Variants in CLDN14 observed in about 807,000 individuals in gnomAD.
CLDN14 encodes the protein claudin-14.
Under a neutral mutation model 2.1 loss-of-function variants are expected in CLDN14, and 2 were observed. The ratio of observed to expected loss-of-function variants is 0.96; its 90% CI spans 0.39 to 3.01. CLDN14 has a LOEUF of 3.01. Among genes scored for constraint, CLDN14 ranks in the 30% most tolerant of loss-of-function variants. The pLI is 0.09. For missense variants in CLDN14, 298 were observed against 328.0 expected, an observed-to-expected ratio of 0.91 and a Z score of 0.71; for synonymous variants, 136 against 154.4, an observed-to-expected ratio of 0.88 and a Z score of 0.88.
At chr21:36,542,783 A>G (rs560332085) in intron 1 of CLDN14, 1 of 152,418 alleles carries the variant, frequency 6.6e-6, no homozygotes, top group East Asian at 1.9e-4. Context: ...AGCGCGATGA[A>G]TAATTGAGGC....
intron 1 of CLDN14, among the ~76,000 whole-genome samples, chr21:36,540,892 G>T (rs1387199977): frequency 6.6e-6 from 1 of 152,228 alleles, no homozygotes; most frequent in Admixed American, 6.5e-5. Flanking sequence ...GTAGCAAGCT[G>T]ATTGGAGGTG....
chr21:36,513,702 G>A (rs1428186120), intron 1 of CLDN14, among the ~76,000 whole-genome samples: 1 of 152,170 alleles, frequency 6.6e-6, no homozygotes, highest in Non-Finnish European at 1.5e-5. Flanking sequence ...AAGTCATCCT[G>A]AGCTAGGGTC....
chr21:36,512,461 C>T (rs1374223995), intron 1 of CLDN14, among the ~76,000 whole-genome samples: 2 of 152,144 alleles, frequency 1.3e-5, no homozygotes, highest in Non-Finnish European at 2.9e-5. Flanking sequence ...ATGGCATGCT[C>T]TCAGGATGTT....
At chr21:36,461,846 T>C in intron 1 of CLDN14, 70 bp from the exon 2 acceptor site, 1 of 1,109,132 alleles carries the variant, frequency 9.0e-7, no homozygotes, top group Non-Finnish European at 1.3e-6. Context: ...CATGCACTTA[T>C]TTCTGTCACC....
chr21:36,496,676 A>AGGAAGGAAAGAAGGGT (rs2087021199), intron 2 of CLDN14, among the ~76,000 whole-genome samples: 1 of 123,626 alleles, frequency 8.1e-6, no homozygotes, highest in Non-Finnish European at 1.6e-5. Context: ...AAGCAGAGGA[A>AGGAAGGAAAGAAGGGT]GGAAGGAAAG....
rs192015931 is a variant in CLDN14, at chr21:36,558,144, T to C, written c.-220+18267A>G. Among the ~76,000 whole-genome samples the C allele has an allele frequency of 1.3e-3, 204 of 152,348 alleles. 1 individual carries two copies. Among genetic ancestry groups the C allele is most frequent in the African/African-American group, 4.5e-3 (187 of 41,586 alleles). Reference sequence around the variant, plus strand: ...TTATTCTGTTCCTGTTCCTTTGGCCTATATGTCTGCCTTTATGCCAGCACC... The same window carrying C: ...TTATTCTGTTCCTGTTCCTTTGGCCCATATGTCTGCCTTTATGCCAGCACC... On this transcript the variant is annotated intron_variant, in intron 1 of 2. Transcript: ENST00000342108.
intron 1 of CLDN14, among the ~76,000 whole-genome samples, chr21:36,528,607 C>T (rs140362619): frequency 6.6e-6 from 1 of 152,336 alleles, no homozygotes; most frequent in Non-Finnish European, 1.5e-5. Context: ...AGGGTCTCTT[C>T]CCCCGTCCAC....
upstream of CLDN14, among the ~76,000 whole-genome samples, chr21:36,484,384 T>C (rs219738): frequency 0.32 from 48,717 of 151,930 alleles, 9,258 homozygotes; most frequent in African/African-American, 0.54. Context: ...AGAGCATTGG[T>C]GTTTTGGTGC....
chr21:36,488,219 C>CT (rs1457039600), intron 2 of CLDN14, among the ~76,000 whole-genome samples: 1,276 of 56,372 alleles, frequency 0.023, 31 homozygotes, highest in African/African-American at 0.075. Flanking sequence ...TACTGTGATT[C>CT]CCCTTCCTTC....
upstream of CLDN14, chr21:36,480,844 G>C (rs1360764072): frequency 6.6e-6 from 1 of 151,934 alleles, no homozygotes; most frequent in East Asian, 1.9e-4. Flanking sequence ...TCTGGTTGGT[G>C]TTTAAAAAAA....
chr21:36,472,011 G>A (rs2086716441), intron 1 of CLDN14, among the ~76,000 whole-genome samples: 1 of 152,226 alleles, frequency 6.6e-6, no homozygotes, highest in South Asian at 2.1e-4. Context: ...AAGTTCCAGA[G>A]TGTTTATGAT....
chr21:36,507,647 C>G (rs961486450), intron 2 of CLDN14, among the ~76,000 whole-genome samples: 4 of 152,192 alleles, frequency 2.6e-5, no homozygotes, highest in Non-Finnish European at 5.9e-5. Context: ...ACGTGTAATC[C>G]CAGCTACTTG....
At chr21:36,468,604 G>T (rs979694733) in intron 1 of CLDN14, among the ~76,000 whole-genome samples, 3 of 135,358 alleles carry the variant, frequency 2.2e-5, no homozygotes, top group Non-Finnish European at 4.7e-5. Flanking sequence ...CTTGAATTTA[G>T]GAACTAAAAA....
intron 1 of CLDN14, among the ~76,000 whole-genome samples, chr21:36,536,095 T>G (rs1167403955): frequency 6.6e-6 from 1 of 152,258 alleles, no homozygotes; most frequent in Non-Finnish European, 1.5e-5. Flanking sequence ...CAAGTTCAGC[T>G]GCAGCCCAGC....
chr21:36,496,655 A>G (rs2087020898), intron 2 of CLDN14, among the ~76,000 whole-genome samples: 3 of 135,746 alleles, frequency 2.2e-5, no homozygotes, highest in Admixed American at 7.7e-5. Context: ...CCGCCCAGCC[A>G]ATGGAGAAGA....
At chr21:36,554,963 A>G (rs773406243) in intron 1 of CLDN14, among the ~76,000 whole-genome samples, 1 of 152,194 alleles carries the variant, frequency 6.6e-6, no homozygotes. Flanking sequence ...TTGCTTCCTC[A>G]ATCATTGAGC....
chr21:36,487,715 C>T (rs748309918), intron 2 of CLDN14: 1 of 152,206 alleles, frequency 6.6e-6, no homozygotes, highest in Non-Finnish European at 1.5e-5. Flanking sequence ...TTCTGAAAGT[C>T]AGATGACACA....
chr21:36,468,861 G>C (rs964738158), intron 1 of CLDN14, among the ~76,000 whole-genome samples: 1 of 151,700 alleles, frequency 6.6e-6, no homozygotes, highest in Admixed American at 6.6e-5. Context: ...CCAGGTTCAA[G>C]TGATTCTCCT....
intron 1 of CLDN14, among the ~76,000 whole-genome samples, chr21:36,471,782 G>A (rs184724507): frequency 3.3e-5 from 5 of 152,308 alleles, no homozygotes; most frequent in Non-Finnish European, 5.9e-5. Flanking sequence ...TGTGAATTTC[G>A]TAAGCCTCTG....
Sources: allele counts gnomAD v4.1 joint callset (sites outside exome capture counted in the v4.1 genomes callset), GRCh38; gene constraint gnomAD v4.1.1; transcripts MANE v1.5; gene names NCBI Gene and HGNC (gene_info 2026-07-23, HGNC 2026-07-21).